CFAP54: variants seen among roughly 807,000 people sequenced by gnomAD.
CFAP54 encodes the protein cilia and flagella associated protein 54.
CFAP54 carries 290 observed loss-of-function variants against 370.4 expected under a neutral mutation model. The ratio of observed to expected loss-of-function variants is 0.78; its 90% CI spans 0.71 to 0.86. The LOEUF is 0.86. Among genes scored for constraint, CFAP54 ranks in the 40% least tolerant of loss-of-function variants. The pLI, the probability that CFAP54 is intolerant of heterozygous loss-of-function variation, is 0.00. For missense variants in CFAP54, 3,399 were observed against 3,528.7 expected (o/e 0.96, Z 0.93); for synonymous variants, 1,206 against 1,236.5 (o/e 0.98, Z 0.52).
intron 26 of CFAP54, among the ~76,000 whole-genome samples, chr12:96,607,483 T>C (rs1417150993): frequency 2.0e-5 from 3 of 152,218 alleles, no homozygotes; most frequent in African/African-American, 4.8e-5. Flanking sequence ...GTTATGGTAT[T>C]TCTTGAGTCA....
intron 26 of CFAP54, among the ~76,000 whole-genome samples, chr12:96,619,132 G>A (rs1047423223): frequency 6.6e-6 from 1 of 152,112 alleles, no homozygotes; most frequent in African/African-American, 2.4e-5. Context: ...CCAAAATGCT[G>A]GGATTACAGG....
At chr12:96,507,983 C>A (rs1205538945) in intron 4 of CFAP54, among the ~76,000 whole-genome samples, 1 of 152,194 alleles carries the variant, frequency 6.6e-6, no homozygotes, top group African/African-American at 2.4e-5. Flanking sequence ...CCATCTCTCA[C>A]ACATCTTGGC....
At chr12:96,701,274 T>A (rs1181665292) in intron 46 of CFAP54, among the ~76,000 whole-genome samples, 2 of 152,184 alleles carry the variant, frequency 1.3e-5, no homozygotes, top group Non-Finnish European at 2.9e-5. Context: ...GCTCATTTTC[T>A]GTGGCATAAA....
chr12:96,762,142 A>G (rs554562308), intron 58 of CFAP54, among the ~76,000 whole-genome samples: 171 of 152,234 alleles, frequency 1.1e-3, no homozygotes, highest in African/African-American at 3.9e-3. Flanking sequence ...TTTTTAGTGT[A>G]TGAGTCTTAT....
At chr12:96,850,728 G>A (rs1180082566) in intron 66 of CFAP54, among the ~76,000 whole-genome samples, 1 of 152,150 alleles carries the variant, frequency 6.6e-6, no homozygotes, top group Non-Finnish European at 1.5e-5. Context: ...GTTCTGCATG[G>A]CAGGAAACTT....
At chr12:96,527,925 A>C (rs1430248470) in intron 9 of CFAP54, among the ~76,000 whole-genome samples, 1 of 152,238 alleles carries the variant, frequency 6.6e-6, no homozygotes, top group Admixed American at 6.5e-5. Flanking sequence ...TTGATATTTC[A>C]AATAATGTAT....
intron 67 of CFAP54, among the ~76,000 whole-genome samples, chr12:96,868,163 G>T (rs17025998): frequency 6.6e-6 from 1 of 152,040 alleles, no homozygotes; most frequent in African/African-American, 2.4e-5. Context: ...TAACACATAG[G>T]TGCTCTTATC....
At chr12:96,802,643 T>TATG (rs1371334517) in intron 63 of CFAP54, among the ~76,000 whole-genome samples, 7 of 152,150 alleles carry the variant, frequency 4.6e-5, no homozygotes, top group Admixed American at 4.6e-4. Context: ...ACTTCTTTAT[T>TATG]ATTATTATTA....
chr12:96,549,564 T>C (rs1955673765), intron 15 of CFAP54, among the ~76,000 whole-genome samples: 2 of 152,216 alleles, frequency 1.3e-5, no homozygotes, highest in Admixed American at 1.3e-4. Context: ...CATATTTTCT[T>C]TGGCATGGTT....
Position 96,718,575 on chromosome 12 carries a change from T to C in CFAP54, c.6804+53T>C, listed in dbSNP as rs957266367. On this transcript the variant is annotated intron_variant, in intron 49 of 67. Coordinates refer to ENST00000524981, the MANE Select transcript of CFAP54 (RefSeq NM_001306084.2). ...TAAGTTAGTTACCAAAAATCCACTATTAGGCCCTGGATGGGCCTGCTTTCA... is the reference window on the plus strand; with the variant it reads ...TAAGTTAGTTACCAAAAATCCACTACTAGGCCCTGGATGGGCCTGCTTTCA... The C allele has an allele frequency of 1.1e-5, 12 of 1,126,782 alleles. No homozygotes were observed. In the Admixed American group the frequency reaches 1.2e-4, roughly 11 times the overall value. 69.8% of individuals were successfully genotyped at this position (1,126,782 alleles called of 1,614,324 possible).
intron 39 of CFAP54, among the ~76,000 whole-genome samples, chr12:96,670,603 A>T (rs567707327): frequency 6.6e-6 from 1 of 152,300 alleles, no homozygotes; most frequent in African/African-American, 2.4e-5. Flanking sequence ...AATGACTGTC[A>T]TGGGAACAAA....
At chr12:96,642,029 G>C (rs1345932927) in intron 32 of CFAP54, among the ~76,000 whole-genome samples, 5 of 151,164 alleles carry the variant, frequency 3.3e-5, no homozygotes, top group African/African-American at 1.2e-4. Flanking sequence ...GTATACATAT[G>C]TAACAAACTT....
chr12:96,549,455 A>C (rs1221119949), intron 15 of CFAP54, among the ~76,000 whole-genome samples: 2 of 152,218 alleles, frequency 1.3e-5, no homozygotes, highest in Non-Finnish European at 2.9e-5. Flanking sequence ...GAAATCGTCA[A>C]AATAAATACA....
chr12:96,491,473 A>G (rs756012658), intron 1 of CFAP54, among the ~76,000 whole-genome samples: 44 of 152,186 alleles, frequency 2.9e-4, no homozygotes, highest in Non-Finnish European at 5.4e-4. Flanking sequence ...ATGACACTTG[A>G]TGAATAGCTA....
intron 45 of CFAP54, among the ~76,000 whole-genome samples, chr12:96,698,852 G>T (rs1957462275): frequency 6.6e-6 from 1 of 152,108 alleles, no homozygotes; most frequent in African/African-American, 2.4e-5. Context: ...AATGAAAGCA[G>T]AGGTTTATTG....
At chr12:96,858,072 A>G (rs1409026384) in intron 66 of CFAP54, among the ~76,000 whole-genome samples, 1 of 152,164 alleles carries the variant, frequency 6.6e-6, no homozygotes, top group Non-Finnish European at 1.5e-5. Flanking sequence ...TAGCTCTTTG[A>G]GGAATCACCA....
At position 96,529,928 on chromosome 12, in the gene CFAP54, G is replaced by A. The variant is rs183918238; in HGVS notation, c.1357+2484G>A. ...ACCCCAATGTCGTAAATATATTCTC[G>A]TATGTTTTCTTCCATAAGTTTTATT... On this transcript the variant is annotated intron_variant, in intron 9 of 67. Transcript: ENST00000524981. Among the ~76,000 whole-genome samples the A allele has an allele frequency of 3.7e-3, 558 of 152,150 alleles. 4 individuals carry two copies. The highest frequency in any genetic ancestry group is 0.011 in the African/African-American group (475 of 41,514).
chr12:96,822,804 A>G (rs1959048022), intron 65 of CFAP54, among the ~76,000 whole-genome samples: 1 of 152,218 alleles, frequency 6.6e-6, no homozygotes, highest in Non-Finnish European at 1.5e-5. Context: ...TCTTGCTCTC[A>G]TAGCTCTCTG....
chr12:96,593,780 T>C (rs1309061352), intron 24 of CFAP54, among the ~76,000 whole-genome samples: 3 of 152,028 alleles, frequency 2.0e-5, no homozygotes, highest in Non-Finnish European at 4.4e-5. Flanking sequence ...TGGCATTTAC[T>C]CTCAAAACCT....
Sources: allele counts gnomAD v4.1 joint callset (sites outside exome capture counted in the v4.1 genomes callset), GRCh38; gene constraint gnomAD v4.1.1; transcripts MANE v1.5; gene names NCBI Gene and HGNC (gene_info 2026-07-23, HGNC 2026-07-21).